GRID2: variants seen among roughly 807,000 people sequenced by gnomAD.
GRID2 encodes glutamate ionotropic receptor delta type subunit 2, also known as glutamate receptor ionotropic, delta-2.
In GRID2, 33 loss-of-function variants were observed where a neutral mutation model predicts 114.8. The ratio of observed to expected loss-of-function variants is 0.29; its 90% CI spans 0.22 to 0.38. The LOEUF is 0.38. Among genes scored for constraint, GRID2 ranks in the 10% least tolerant of loss-of-function variants. The pLI is 1.00. For synonymous variants in GRID2, 505 were observed against 449.9 expected, an observed-to-expected ratio of 1.12 and a Z score of -1.55; for missense variants, 1,184 against 1,257.7, an observed-to-expected ratio of 0.94 and a Z score of 0.89.
chr4:92,535,467 T>C (rs1343568591), intron 1 of GRID2, among the ~76,000 whole-genome samples: 4 of 152,160 alleles, frequency 2.6e-5, no homozygotes, highest in Admixed American at 2.6e-4. Context: ...TCCCTACTGT[T>C]AAATTTGGAA....
chr4:92,367,840 C>T lies in GRID2; in HGVS notation c.88+63096C>T, dbSNP rs564162068. Among the ~76,000 whole-genome samples, 8 of 152,246 alleles carry T rather than the reference C, an allele frequency of 5.3e-5. No individual in the cohort carries two copies. In the East Asian group the frequency reaches 1.5e-3, roughly 29 times the overall value. ...CATTACTTCAGCTACTCTGATCTCT[C>T]ATTGGACTGCACATATATAACTTGT... is the stretch of plus-strand genomic sequence containing the variant. On this transcript the variant is annotated intron_variant, in intron 1 of 15. Transcript: ENST00000282020.
intron 2 of GRID2, among the ~76,000 whole-genome samples, chr4:92,680,116 A>G (rs62310183): frequency 2.0e-5 from 3 of 152,082 alleles, no homozygotes; most frequent in Non-Finnish European, 4.4e-5. Context: ...AGAAGGTAAT[A>G]GAATAATGAA....
chr4:93,733,883 G>A (rs577931561), intron 14 of GRID2, among the ~76,000 whole-genome samples: 1 of 152,136 alleles, frequency 6.6e-6, no homozygotes, highest in Non-Finnish European at 1.5e-5. Context: ...AATGCCCCAG[G>A]CCACAGAGCA....
At chr4:93,779,956 T>C (rs1387779586) in intron 1 of GRID2, among the ~76,000 whole-genome samples, 6 of 152,164 alleles carry the variant, frequency 3.9e-5, no homozygotes, top group Non-Finnish European at 2.9e-5. Context: ...CAACATATGT[T>C]TACCCAGGCC....
chr4:92,423,496 C>A (rs1732004986), intron 1 of GRID2, among the ~76,000 whole-genome samples: 1 of 151,996 alleles, frequency 6.6e-6, no homozygotes, highest in African/African-American at 2.4e-5. Flanking sequence ...GGACACGATA[C>A]TAGAAAATCA....
chr4:92,339,876 G>T (rs1258570061), intron 1 of GRID2, among the ~76,000 whole-genome samples: 1 of 152,144 alleles, frequency 6.6e-6, no homozygotes, highest in Non-Finnish European at 1.5e-5. Flanking sequence ...AAACCAATAT[G>T]CATAAACACT....
At chr4:93,325,706 TTTC>T (rs1468571087) in intron 8 of GRID2, among the ~76,000 whole-genome samples, 3 of 131,376 alleles carry the variant, frequency 2.3e-5, no homozygotes, top group African/African-American at 7.9e-5. Flanking sequence ...TTTCCTCATT[TTTC>T]TTCTTTAAAC....
chr4:92,957,560 A>G (rs1379205820), intron 2 of GRID2, among the ~76,000 whole-genome samples: 2 of 152,050 alleles, frequency 1.3e-5, no homozygotes, highest in Non-Finnish European at 2.9e-5. Flanking sequence ...GTAGCTTTAT[A>G]ACAAACTTTT....
chr4:93,447,582 G>A (rs903180042), intron 10 of GRID2, among the ~76,000 whole-genome samples: 9 of 151,772 alleles, frequency 5.9e-5, no homozygotes, highest in African/African-American at 2.2e-4. Flanking sequence ...TTATTATCAA[G>A]GAAAACATCC....
At position 92,802,649 on chromosome 4, in the gene GRID2, A is replaced by G. The variant is rs542219650; in HGVS notation, c.244+212363A>G. Among the ~76,000 whole-genome samples, 144 of 152,112 alleles carry G rather than the reference A, an allele frequency of 9.5e-4. 1 individual carries two copies. Among genetic ancestry groups the G allele is most frequent in the Non-Finnish European group, 1.4e-3 (95 of 67,936 alleles). ...AAAGCTAAAGTTTGCTTTTCATACAATAAGGTGCCAGTATATATTTGGATC... is the reference window on the plus strand; with the variant it reads ...AAAGCTAAAGTTTGCTTTTCATACAGTAAGGTGCCAGTATATATTTGGATC... On this transcript the variant is annotated intron_variant, in intron 2 of 15. Coordinates refer to ENST00000282020, the MANE Select transcript of GRID2 (RefSeq NM_001510.4).
chr4:92,611,329 C>G (rs1452890908), intron 2 of GRID2, among the ~76,000 whole-genome samples: 1 of 151,466 alleles, frequency 6.6e-6, no homozygotes, highest in Non-Finnish European at 1.5e-5. Flanking sequence ...GAGGGCCACC[C>G]TCTTTATATG....
At chr4:93,295,611 G>GCTCCTC (rs1051535895) in intron 8 of GRID2, among the ~76,000 whole-genome samples, 2 of 150,720 alleles carry the variant, frequency 1.3e-5, no homozygotes, top group African/African-American at 4.9e-5. Flanking sequence ...TCCTCTCCCC[G>GCTCCTC]CTCCTCCTCC....
At chr4:92,519,621 A>G (rs1235349188) in intron 1 of GRID2, among the ~76,000 whole-genome samples, 1 of 150,780 alleles carries the variant, frequency 6.6e-6, no homozygotes, top group Admixed American at 6.7e-5. Context: ...ATATGTATGT[A>G]TATATAAGAG....
intron 4 of GRID2, among the ~76,000 whole-genome samples, chr4:93,205,287 T>C (rs920702384): frequency 5.3e-5 from 8 of 152,084 alleles, no homozygotes; most frequent in Admixed American, 3.9e-4. Context: ...GTTTCACCTA[T>C]AAGTGGAGTA....
chr4:92,575,348 G>A (rs949137575), intron 1 of GRID2, among the ~76,000 whole-genome samples: 1 of 152,190 alleles, frequency 6.6e-6, no homozygotes, highest in Non-Finnish European at 1.5e-5. Context: ...CCAGTTCTGA[G>A]CCCTTGCTGG....
intron 14 of GRID2, among the ~76,000 whole-genome samples, chr4:93,702,215 G>A (rs1727573211): frequency 6.6e-6 from 1 of 152,066 alleles, no homozygotes; most frequent in African/African-American, 2.4e-5. Flanking sequence ...TTTGTAAATA[G>A]ATTCCATACA....
intron 1 of GRID2, among the ~76,000 whole-genome samples, chr4:92,486,633 C>T (rs1722911617): frequency 6.7e-6 from 1 of 148,268 alleles, no homozygotes; most frequent in Non-Finnish European, 1.5e-5. Context: ...TAAGAATCAA[C>T]AGAGTAAAAA....
chr4:92,687,850 T>TA (rs900380779), intron 2 of GRID2, among the ~76,000 whole-genome samples: 17 of 151,490 alleles, frequency 1.1e-4, no homozygotes, highest in African/African-American at 3.9e-4. Flanking sequence ...ACCTTTTTGC[T>TA]AAAAAAAGGC....
At chr4:93,511,557 A>G (rs989151625) in intron 12 of GRID2, among the ~76,000 whole-genome samples, 1 of 152,164 alleles carries the variant, frequency 6.6e-6, no homozygotes, top group Non-Finnish European at 1.5e-5. Context: ...TCCACCACTT[A>G]GAGCTATAGA....
Sources: allele counts gnomAD v4.1 joint callset (sites outside exome capture counted in the v4.1 genomes callset), GRCh38; gene constraint gnomAD v4.1.1; transcripts MANE v1.5; gene names NCBI Gene and HGNC (gene_info 2026-07-23, HGNC 2026-07-21).